SH3KBP1: variants seen among roughly 807,000 people sequenced by gnomAD.
SH3KBP1 encodes the protein SH3 domain containing kinase binding protein 1.
SH3KBP1 carries 8 observed loss-of-function variants against 50.1 expected under a neutral mutation model. That is an observed-to-expected ratio of 0.16 (90% confidence interval 0.09 to 0.29). The LOEUF is 0.29. SH3KBP1 is among the 10% of genes least tolerant of loss of function. SH3KBP1 has a pLI of 1.00. For synonymous variants in SH3KBP1, 227 were observed against 218.6 expected, an observed-to-expected ratio of 1.04 and a Z score of -0.34; for missense variants, 377 against 535.2, an observed-to-expected ratio of 0.70 and a Z score of 2.92.
At chrX:19,787,496 CA>C (rs748493324) in intron 2 of SH3KBP1, among the ~76,000 whole-genome samples, 1 of 111,284 alleles carries the variant, frequency 9.0e-6, no homozygotes. Flanking sequence ...TGACTCATTG[CA>C]AAAAAAGATC....
At chrX:19,749,073 C>T (rs950383443) in intron 2 of SH3KBP1, among the ~76,000 whole-genome samples, 2 of 112,325 alleles carry the variant, frequency 1.8e-5, no homozygotes, top group African/African-American at 3.2e-5. Context: ...TAGGGAAATG[C>T]AAATGAAAAC....
intron 3 of SH3KBP1, among the ~76,000 whole-genome samples, chrX:19,714,708 G>A (rs748283306): frequency 1.6e-4 from 18 of 111,708 alleles, no homozygotes; most frequent in African/African-American, 5.5e-4. Flanking sequence ...AATTATTCTA[G>A]ATTTAAAAAG....
chrX:19,799,024 T>A (rs2066810556), intron 2 of SH3KBP1, among the ~76,000 whole-genome samples: 1 of 111,746 alleles, frequency 8.9e-6, no homozygotes, highest in Non-Finnish European at 1.9e-5. Flanking sequence ...TCAGTTGGCA[T>A]CTGGCAACAG....
intron 3 of SH3KBP1, among the ~76,000 whole-genome samples, chrX:19,722,583 T>TGCGC (rs1569442151): frequency 9.6e-6 from 1 of 104,079 alleles, no homozygotes; most frequent in African/African-American, 3.6e-5. Flanking sequence ...TGTGTGTGTG[T>TGCGC]GTGTGTGTGT....
chrX:19,668,077 G>A (rs921474207), intron 6 of SH3KBP1, among the ~76,000 whole-genome samples: 4 of 111,091 alleles, frequency 3.6e-5, no homozygotes, highest in Non-Finnish European at 7.5e-5. Flanking sequence ...GAGACCCTAG[G>A]GATATCATGA....
At position 19,769,001 on chromosome X, in the gene SH3KBP1, C is replaced by T. The variant is rs966082567; in HGVS notation, c.163-22560G>A. ...AGTGTCCTGTCCTGAAATAGAGACA[C>T]CTCCTGTTAAGCAGAAGGAGGTTTT... On this transcript the variant is annotated intron_variant, in intron 2 of 17. Coordinates refer to ENST00000397821, the MANE Select transcript of SH3KBP1 (RefSeq NM_031892.3). Among the ~76,000 whole-genome samples, 4 of 108,777 alleles carry T rather than the reference C, an allele frequency of 3.7e-5. No homozygotes were observed. The Admixed American group carries it at 4.0e-4, about 11-fold the overall frequency. 94.5% of individuals were successfully genotyped at this position (108,777 alleles called of 115,157 possible). A position where few individuals can be genotyped will look rare whatever the true frequency, so the allele number is the denominator to read the frequency against.
At chrX:19,779,929 TTGGGTATATACCCAGTAATGGGATGGC>T (rs2066116648) in intron 2 of SH3KBP1, among the ~76,000 whole-genome samples, 3 of 109,116 alleles carry the variant, frequency 2.7e-5, no homozygotes, top group Admixed American at 9.7e-5. Flanking sequence ...TTATAGTCCT[TTGGGTATATACCCAGTAATGGGATGGC>T]TGGGTATATA....
chrX:19,864,234 C>T (rs2068847984), intron 1 of SH3KBP1, among the ~76,000 whole-genome samples: 1 of 111,748 alleles, frequency 8.9e-6, no homozygotes, highest in African/African-American at 3.3e-5. Context: ...CGTAGGCTGC[C>T]ACCAAAATGA....
intron 11 of SH3KBP1, among the ~76,000 whole-genome samples, chrX:19,589,882 G>A (rs2066689465): frequency 1.8e-5 from 2 of 109,776 alleles, no homozygotes; most frequent in Non-Finnish European, 3.8e-5. Flanking sequence ...AGCTTTGGGA[G>A]GGCAAGGCGG....
At chrX:19,793,305 G>GAAAAAAAA (rs1276369664) in intron 2 of SH3KBP1, among the ~76,000 whole-genome samples, 68 of 94,535 alleles carry the variant, frequency 7.2e-4, no homozygotes, top group African/African-American at 2.6e-3. Context: ...TTGTCTCAAG[G>GAAAAAAAA]AAAAAAAAAT....
chrX:19,829,398 G>C (rs1354483386), intron 2 of SH3KBP1, among the ~76,000 whole-genome samples: 2 of 110,451 alleles, frequency 1.8e-5, no homozygotes, highest in African/African-American at 6.6e-5. Flanking sequence ...TTGGGAAAAG[G>C]CTTGGTGGAA....
At chrX:19,721,206 C>G (rs1356016601) in intron 3 of SH3KBP1, among the ~76,000 whole-genome samples, 1 of 110,984 alleles carries the variant, frequency 9.0e-6, no homozygotes, top group Non-Finnish European at 1.9e-5. Flanking sequence ...AGGCTAAACC[C>G]CTTAAGCAGA....
rs189678364 is a variant in SH3KBP1, at chrX:19,683,070, C to T, written c.726+753G>A. ...TGCCTTAAGCACAGCACGAGAGTAG[C>T]TTATTATAATTTGGAAAATTCCACA... On this transcript the variant is annotated intron_variant, in intron 6 of 17. Coordinates refer to ENST00000397821, the MANE Select transcript of SH3KBP1 (RefSeq NM_031892.3). 3.6e-5 allele frequency among the ~76,000 whole-genome samples: 4 copies of T among 111,568 alleles called. No homozygotes were observed. In the Admixed American group the frequency reaches 3.8e-4, roughly 11 times the overall value.
intron 7 of SH3KBP1, among the ~76,000 whole-genome samples, chrX:19,637,433 G>C (rs1448033593): frequency 8.9e-6 from 1 of 112,182 alleles, no homozygotes; most frequent in Non-Finnish European, 1.9e-5. Flanking sequence ...CAAACATACA[G>C]TGTTGACCAG....
chrX:19,882,461 G>C (rs1266067734), intron 1 of SH3KBP1, among the ~76,000 whole-genome samples: 3 of 111,390 alleles, frequency 2.7e-5, no homozygotes, highest in African/African-American at 9.8e-5. Context: ...ATGGGAGAGA[G>C]AGCTGCCCAG....
At chrX:19,573,874 G>A (rs917660341) in intron 12 of SH3KBP1, among the ~76,000 whole-genome samples, 3 of 111,284 alleles carry the variant, frequency 2.7e-5, no homozygotes, top group African/African-American at 6.5e-5. Context: ...GACCTTGGCC[G>A]GGTTACTTAA....
intron 13 of SH3KBP1, among the ~76,000 whole-genome samples, chrX:19,553,954 AATATAAT>A (rs1365516770): frequency 1.5e-5 from 1 of 66,392 alleles, no homozygotes; most frequent in African/African-American, 7.8e-5. Flanking sequence ...TATATATTAA[AATATAAT>A]ATATAATATA....
intron 12 of SH3KBP1, among the ~76,000 whole-genome samples, chrX:19,587,165 T>G (rs2066595768): frequency 9.9e-6 from 1 of 100,627 alleles, no homozygotes; most frequent in African/African-American, 3.8e-5. Flanking sequence ...GAGGTTGCGG[T>G]GAGCCGAGAT....
chrX:19,818,013 T>C (rs1276064536), intron 2 of SH3KBP1, among the ~76,000 whole-genome samples: 2 of 112,266 alleles, frequency 1.8e-5, no homozygotes, highest in Non-Finnish European at 1.9e-5. Context: ...TGCAGGTTTG[T>C]AGCCTAGGAG....
Sources: allele counts gnomAD v4.1 joint callset (sites outside exome capture counted in the v4.1 genomes callset), GRCh38; gene constraint gnomAD v4.1.1; transcripts MANE v1.5; gene names NCBI Gene and HGNC (gene_info 2026-07-23, HGNC 2026-07-21).